Variants in PSTPIP2 observed in about 807,000 individuals in gnomAD.
PSTPIP2 encodes the protein proline-serine-threonine phosphatase interacting protein 2, also known as proline-serine-threonine phosphatase-interacting protein 2.
A neutral mutation model predicts 63.3 loss-of-function variants in PSTPIP2; 33 were observed. The observed-to-expected ratio is 0.52, with a 90% CI of 0.40 to 0.70. PSTPIP2 has a LOEUF of 0.70. PSTPIP2 is among the 30% of genes least tolerant of loss of function. PSTPIP2 has a pLI of 0.00. For synonymous variants in PSTPIP2, 125 were observed against 132.7 expected (o/e 0.94, Z 0.40); for missense variants, 312 against 400.7 (o/e 0.78, Z 1.89).
At chr18:46,012,248 G>A (rs1469425162) in intron 4 of PSTPIP2, among the ~76,000 whole-genome samples, 2 of 152,034 alleles carry the variant, frequency 1.3e-5, no homozygotes, top group East Asian at 3.8e-4. Flanking sequence ...TGGCAAGCAT[G>A]GGACAAAACA....
At chr18:46,033,388 A>G (rs1907849632) in intron 2 of PSTPIP2, among the ~76,000 whole-genome samples, 1 of 152,140 alleles carries the variant, frequency 6.6e-6, no homozygotes, top group Non-Finnish European at 1.5e-5. Flanking sequence ...ATCCAACATG[A>G]CTAGTGTCCT....
chr18:45,992,713 T>A (rs1289209008), intron 10 of PSTPIP2, among the ~76,000 whole-genome samples: 2 of 151,922 alleles, frequency 1.3e-5, no homozygotes, highest in Non-Finnish European at 2.9e-5. Context: ...TAATTTTTTA[T>A]TTTTTATTTT....
intron 2 of PSTPIP2, among the ~76,000 whole-genome samples, chr18:46,035,652 G>A (rs1161378197): frequency 1.3e-5 from 2 of 152,112 alleles, no homozygotes; most frequent in Non-Finnish European, 2.9e-5. Context: ...TGTATAAACA[G>A]ACAGTAAAGA....
chr18:46,029,554 A>G (rs1290907013), intron 2 of PSTPIP2: 90 of 793,152 alleles, frequency 1.1e-4, no homozygotes, highest in Non-Finnish European at 4.6e-6. Flanking sequence ...AGTAAATATA[A>G]ATAATCAAGA....
At chr18:46,043,140 CT>C (rs1219732743) in intron 1 of PSTPIP2, among the ~76,000 whole-genome samples, 1 of 149,310 alleles carries the variant, frequency 6.7e-6, no homozygotes, top group Non-Finnish European at 1.5e-5. Context: ...AATCCCAGCA[CT>C]TTGGGAGGCC....
In PSTPIP2 at chr18:46,039,377, C is replaced by T. The variant is rs559762282; in HGVS notation, c.134+570G>A. ...GCTTCACAGCTTTCCCACAGCTCCTCATCCTCCTGGTCTCTGAGCTGCACT... is the reference window on the plus strand; with the variant it reads ...GCTTCACAGCTTTCCCACAGCTCCTTATCCTCCTGGTCTCTGAGCTGCACT... On this transcript the variant is annotated intron_variant, in intron 2 of 14. Coordinates refer to ENST00000409746, the MANE Select transcript of PSTPIP2 (RefSeq NM_024430.4). Among the ~76,000 whole-genome samples, 4 of 152,272 alleles carry T rather than the reference C, an allele frequency of 2.6e-5. No homozygotes were observed. In the East Asian group the frequency reaches 7.7e-4, roughly 29 times the overall value.
intron 14 of PSTPIP2, among the ~76,000 whole-genome samples, chr18:45,986,759 T>G (rs564750118): frequency 1.3e-5 from 2 of 152,370 alleles, no homozygotes; most frequent in South Asian, 4.1e-4. Context: ...ATATATTTTA[T>G]AGCAAAGTTG....
chr18:45,994,161 TTTAA>T (rs751974174), intron 9 of PSTPIP2, among the ~76,000 whole-genome samples: 6 of 152,152 alleles, frequency 3.9e-5, no homozygotes, highest in Non-Finnish European at 8.8e-5. Flanking sequence ...TTTGTGTATG[TTTAA>T]TTGTTTTTCC....
intron 2 of PSTPIP2, among the ~76,000 whole-genome samples, chr18:46,039,157 A>G (rs1908094240): frequency 1.3e-5 from 2 of 152,192 alleles, no homozygotes; most frequent in Admixed American, 1.3e-4. Context: ...CTTTGGCCCC[A>G]AATCCTCTTA....
At chr18:46,067,359 C>T (rs1909229591) in intron 1 of PSTPIP2, among the ~76,000 whole-genome samples, 1 of 151,736 alleles carries the variant, frequency 6.6e-6, no homozygotes. Context: ...AAAAATTAGC[C>T]GGGCGTGGTG....
intron 1 of PSTPIP2, among the ~76,000 whole-genome samples, chr18:46,069,221 G>A (rs7359800): frequency 6.6e-6 from 1 of 151,898 alleles, no homozygotes; most frequent in Non-Finnish European, 1.5e-5. Context: ...GTGCATGCCC[G>A]TATCTGAAGG....
intron 10 of PSTPIP2, among the ~76,000 whole-genome samples, chr18:45,993,385 G>A (rs745660784): frequency 2.0e-5 from 3 of 152,136 alleles, no homozygotes; most frequent in Non-Finnish European, 4.4e-5. Flanking sequence ...GTGAACCACC[G>A]CTCCCAGCCA....
chr18:46,039,646 C>T (rs1246382608), intron 2 of PSTPIP2, among the ~76,000 whole-genome samples: 2 of 152,148 alleles, frequency 1.3e-5, no homozygotes, highest in African/African-American at 4.8e-5. Context: ...GCAGTCTCTT[C>T]CTCAGCAGTC....
intron 5 of PSTPIP2, 69 bp downstream of exon 5, chr18:46,011,112 A>G (rs1235181827): frequency 3.9e-6 from 5 of 1,297,414 alleles, no homozygotes; most frequent in Non-Finnish European, 4.5e-6. Flanking sequence ...TGAGGAGTAT[A>G]ATGAACAAAC....
At chr18:46,029,557 A>T in intron 2 of PSTPIP2, 2 of 793,074 alleles carry the variant, frequency 2.5e-6, no homozygotes, top group Non-Finnish European at 4.6e-6. Context: ...AAATATAAAT[A>T]ATCAAGATTC....
At chr18:46,009,762 T>G (rs1181265417) in intron 5 of PSTPIP2, among the ~76,000 whole-genome samples, 2 of 152,222 alleles carry the variant, frequency 1.3e-5, no homozygotes, top group East Asian at 3.8e-4. Flanking sequence ...GGGGAAGTCA[T>G]GCGTGCCTAG....
In PSTPIP2 at chr18:45,993,495, G is replaced by A. The variant is rs144793454; in HGVS notation, c.741+110C>T. 27 of 986,970 alleles carry A rather than the reference G, an allele frequency of 2.7e-5. 1 individual carries two copies. The African/African-American group carries it at 2.9e-4, about 11-fold the overall frequency. 61.1% of individuals were successfully genotyped at this position (986,970 alleles called of 1,614,324 possible). A position where few individuals can be genotyped will look rare whatever the true frequency, so the allele number is the denominator to read the frequency against. ...CAACTCACTGTATGGCCTTAGGCAA[G>A]TCACCTTACTTCACCAAGGGCAAAG... On this transcript the variant is annotated intron_variant, in intron 10 of 14. Coordinates refer to ENST00000409746, the MANE Select transcript of PSTPIP2 (RefSeq NM_024430.4).
intron 2 of PSTPIP2, among the ~76,000 whole-genome samples, chr18:46,038,439 G>A (rs1908063874): frequency 6.6e-6 from 1 of 152,158 alleles, no homozygotes; most frequent in Non-Finnish European, 1.5e-5. Flanking sequence ...TTCCTCTGCA[G>A]ATGTATTCCA....
intron 5 of PSTPIP2, among the ~76,000 whole-genome samples, chr18:46,007,594 T>C (rs529609196): frequency 9.8e-5 from 15 of 152,390 alleles, no homozygotes; most frequent in South Asian, 6.2e-4. Context: ...GTTAGCAACG[T>C]TGGTCTATTC....
Sources: gnomAD v4.1 joint callset for allele counts (sites outside exome capture counted in the v4.1 genomes callset) on GRCh38, gnomAD v4.1.1 for gene constraint, MANE v1.5 for transcripts, NCBI Gene and HGNC (gene_info 2026-07-23, HGNC 2026-07-21) for gene names.